Variants in MAN2A1 observed in about 807,000 individuals in gnomAD.
The protein encoded by MAN2A1 is mannosidase alpha class 2A member 1.
Under a neutral mutation model 142.6 loss-of-function variants are expected in MAN2A1, and 76 were observed. That is an observed-to-expected ratio of 0.53 (90% CI 0.44 to 0.65). The LOEUF is 0.65. MAN2A1 is among the 30% of genes least tolerant of loss of function. The pLI, the probability that MAN2A1 is intolerant of heterozygous loss-of-function variation, is 0.00. For synonymous variants in MAN2A1, 559 were observed against 473.2 expected (o/e 1.18, Z -2.35); for missense variants, 1,311 against 1,365.1 (o/e 0.96, Z 0.62).
intron 9 of MAN2A1, 42 bp from the exon 10 acceptor site, chr5:109,784,702 A>G: frequency 6.9e-7 from 1 of 1,450,492 alleles, no homozygotes; most frequent in Non-Finnish European, 9.3e-7. Flanking sequence ...TATAAGCTAA[A>G]GTGTTTGTTT....
At position 109,865,098 on chromosome 5, in the gene MAN2A1, G is replaced by A. The variant is rs372135720; in HGVS notation, c.3234G>A (p.Arg1078=). The change falls in exon 21 of 22, where the codon CGG becomes CGA. Residue 1078 remains arginine (R), a synonymous_variant. Coordinates refer to ENST00000261483, the MANE Select transcript of MAN2A1 (RefSeq NM_002372.4). ...LILHRKGFDC[R]FSSKGTGLFC... Reference sequence around the variant, plus strand: ...TCCACAGAAAAGGGTTTGATTGTCGGTTCTCTAGCAAAGGCACAGGGCTGT... The same window carrying A: ...TCCACAGAAAAGGGTTTGATTGTCGATTCTCTAGCAAAGGCACAGGGCTGT... 9.3e-6 allele frequency: 15 copies of A among 1,613,958 alleles called. No homozygotes were observed. The highest frequency in any genetic ancestry group is 2.7e-5 in the African/African-American group (2 of 74,914).
intron 3 of MAN2A1, among the ~76,000 whole-genome samples, chr5:109,716,531 G>GT (rs1462273762): frequency 2.0e-5 from 3 of 152,150 alleles, no homozygotes; most frequent in African/African-American, 7.2e-5. Context: ...ACAGTATATA[G>GT]TTTTAAGAGA....
intron 16 of MAN2A1, among the ~76,000 whole-genome samples, chr5:109,833,359 C>G (rs965731058): frequency 1.3e-5 from 2 of 152,066 alleles, no homozygotes; most frequent in African/African-American, 4.8e-5. Flanking sequence ...GATCACGCCA[C>G]TGCACTCCAG....
chr5:109,776,177 G>A lies in MAN2A1; in HGVS notation c.1374+1212G>A, dbSNP rs183758933. Among the ~76,000 whole-genome samples the A allele has an allele frequency of 2.6e-5, 4 of 151,522 alleles. No individual in the cohort carries two copies. The East Asian group carries it at 7.8e-4, about 30-fold the overall frequency. On this transcript the variant is annotated intron_variant, in intron 8 of 21. Transcript: ENST00000261483. ...ATTGACATGTAAAAGTAGAACATCT[G>A]TGAAAATACTATAGAAAGGAAGTGA...
intron 20 of MAN2A1, among the ~76,000 whole-genome samples, chr5:109,856,820 A>G (rs986706252): frequency 6.6e-6 from 1 of 152,156 alleles, no homozygotes; most frequent in Non-Finnish European, 1.5e-5. Context: ...AATCATTATC[A>G]GTGAACTTGC....
At chr5:109,725,613 G>A (rs1561479742) in intron 3 of MAN2A1, among the ~76,000 whole-genome samples, 1 of 152,194 alleles carries the variant, frequency 6.6e-6, no homozygotes, top group Non-Finnish European at 1.5e-5. Context: ...CCAATTGAAA[G>A]GGGTGTAGTC....
chr5:109,759,500 G>A (rs1235164477), intron 5 of MAN2A1, among the ~76,000 whole-genome samples: 2 of 152,056 alleles, frequency 1.3e-5, no homozygotes, highest in African/African-American at 4.8e-5. Flanking sequence ...CCAGTTTCCT[G>A]TTGAACATTT....
intron 9 of MAN2A1, among the ~76,000 whole-genome samples, chr5:109,783,524 T>C (rs1200870906): frequency 6.6e-6 from 1 of 152,144 alleles, no homozygotes; most frequent in African/African-American, 2.4e-5. Flanking sequence ...TTTGGAAGGA[T>C]TAGAATTTAA....
intron 16 of MAN2A1, among the ~76,000 whole-genome samples, chr5:109,829,695 T>C (rs1754854815): frequency 1.3e-5 from 2 of 152,218 alleles, no homozygotes; most frequent in Admixed American, 1.3e-4. Flanking sequence ...AAAATTTCCA[T>C]TGAAAGCCCT....
In MAN2A1 at chr5:109,734,491, G is replaced by T. The variant is rs1442878818; in HGVS notation, c.707+4978G>T. Reference sequence around the variant, plus strand: ...GTGTCAATTTTGGATCTTTCCTGCTGTCTCTTGTGGGCATTTAGTGCTATA... The same window carrying T: ...GTGTCAATTTTGGATCTTTCCTGCTTTCTCTTGTGGGCATTTAGTGCTATA... On this transcript the variant is annotated intron_variant, in intron 4 of 21. Transcript: ENST00000261483. 8.7e-3 allele frequency among the ~76,000 whole-genome samples: 1,316 copies of T among 152,044 alleles called. 12 individuals are homozygous for T. The highest frequency in any genetic ancestry group is 0.013 in the Non-Finnish European group (851 of 67,946).
chr5:109,717,269 C>G (rs779248046), intron 3 of MAN2A1, among the ~76,000 whole-genome samples: 4 of 152,018 alleles, frequency 2.6e-5, no homozygotes, highest in Non-Finnish European at 5.9e-5. Context: ...GCAGATATTC[C>G]TATTTTTCTA....
chr5:109,867,153 G>GTAA lies in MAN2A1; in HGVS notation c.*156_*158dup. On this transcript the variant is annotated 3_prime_UTR_variant, in exon 22 of 22. Coordinates refer to ENST00000261483, the MANE Select transcript of MAN2A1 (RefSeq NM_002372.4). The stretch of plus-strand genomic sequence containing the variant: ...TTTTCTTTTTTCTTTTACCAGTACA[G>GTAA]TAAGAAAAAAAAAAAAAAAAAAAAA... 2.5e-5 allele frequency: 2 copies of GTAA among 80,666 alleles called. No homozygotes were observed. Among genetic ancestry groups the GTAA allele is most frequent in the Admixed American group, 1.8e-4 (1 of 5,614 alleles). 5.0% of individuals were successfully genotyped at this position (80,666 alleles called of 1,614,324 possible).
At chr5:109,703,232 T>C (rs1751038915) in intron 1 of MAN2A1, among the ~76,000 whole-genome samples, 1 of 152,262 alleles carries the variant, frequency 6.6e-6, no homozygotes, top group African/African-American at 2.4e-5. Context: ...CAAAATTACT[T>C]GTTTAAAATT....
chr5:109,753,954 G>C (rs547604819), intron 4 of MAN2A1, among the ~76,000 whole-genome samples: 2 of 151,394 alleles, frequency 1.3e-5, no homozygotes, highest in African/African-American at 4.9e-5. Flanking sequence ...TGTCTCCCAG[G>C]CTGGAGTGCA....
intron 3 of MAN2A1, among the ~76,000 whole-genome samples, chr5:109,718,149 T>A (rs1004034788): frequency 1.1e-4 from 17 of 152,346 alleles, no homozygotes; most frequent in African/African-American, 3.6e-4. Context: ...TTCTTGTTAC[T>A]TAATTGGGAG....
intron 5 of MAN2A1, among the ~76,000 whole-genome samples, chr5:109,764,495 C>T (rs1752938474): frequency 6.6e-6 from 1 of 152,124 alleles, no homozygotes; most frequent in South Asian, 2.1e-4. Flanking sequence ...CCCTTACCCT[C>T]CTTTTAAAAA....
intron 4 of MAN2A1, among the ~76,000 whole-genome samples, chr5:109,751,394 T>G (rs1337275556): frequency 6.6e-6 from 1 of 152,090 alleles, no homozygotes; most frequent in African/African-American, 2.4e-5. Context: ...TCTTTTTCCA[T>G]TCATCTAAAT....
At chr5:109,716,391 A>G (rs879077839) in intron 3 of MAN2A1, 127 bp downstream of exon 3, 9 of 669,170 alleles carry the variant, frequency 1.3e-5, no homozygotes, top group Non-Finnish European at 2.2e-5. Flanking sequence ...TTTAACATTA[A>G]TATATTCCTT....
intron 16 of MAN2A1, among the ~76,000 whole-genome samples, chr5:109,826,564 A>C (rs777202111): frequency 6.6e-6 from 1 of 152,214 alleles, no homozygotes; most frequent in Non-Finnish European, 1.5e-5. Context: ...GGAAAAGATA[A>C]GCCCGGTTGT....
Sources: allele counts gnomAD v4.1 joint callset (sites outside exome capture counted in the v4.1 genomes callset), GRCh38; gene constraint gnomAD v4.1.1; transcripts MANE v1.5; gene names NCBI Gene and HGNC (gene_info 2026-07-23, HGNC 2026-07-21).